ARID1A: variants seen among roughly 807,000 people sequenced by gnomAD.
The protein encoded by ARID1A is AT-rich interactive domain-containing protein 1A.
ARID1A carries 20 observed loss-of-function variants against 212.6 expected under a neutral mutation model. That is an observed-to-expected ratio of 0.09 (90% CI 0.07 to 0.14). ARID1A has a LOEUF of 0.14. Ranked by LOEUF, ARID1A falls within the 10% of genes least tolerant of loss-of-function variation. The probability of loss-of-function intolerance (pLI) is 1.00; values close to 1 mark genes in which losing one functional copy is unlikely to be tolerated. For missense variants in ARID1A, 2,587 were observed against 3,059.0 expected, an observed-to-expected ratio of 0.85 and a Z score of 3.64; for synonymous variants, 1,376 against 1,222.1, an observed-to-expected ratio of 1.13 and a Z score of -2.63.
At position 26,767,825 on chromosome 1, in the gene ARID1A, C is replaced by T. The variant is rs2081052188; in HGVS notation, c.3024C>T (p.Ile1008=). 1 of 1,613,952 alleles carries T rather than the reference C, an allele frequency of 6.2e-7. No individual in the cohort carries two copies. The highest frequency in any genetic ancestry group is 1.3e-5 in the African/African-American group (1 of 74,922). The change falls in exon 11 of 20, where the codon ATC becomes ATT. Residue 1008 remains isoleucine (I), a synonymous_variant. Transcript: ENST00000324856. ...CTTCTACTACAACCAATGAGAAGAT[C>T]ACCAAGTTGTATGAGCTGGGTGGTG... The part of the protein sequence containing the change: ...SSSSTTTNEK[I]TKLYELGGEP...
chr1:26,730,382 C>G (rs1045472485), intron 2 of ARID1A, among the ~76,000 whole-genome samples: 1 of 152,108 alleles, frequency 6.6e-6, no homozygotes, highest in South Asian at 2.1e-4. Context: ...CTCTTTTTGT[C>G]GAACCATTCA....
At chr1:26,757,206 C>T (rs773033966) in intron 4 of ARID1A, among the ~76,000 whole-genome samples, 26 of 149,140 alleles carry the variant, frequency 1.7e-4, no homozygotes, top group Non-Finnish European at 2.8e-4. Flanking sequence ...CAGACGGAGA[C>T]CCTGTCTCTT....
chr1:26,743,105 G>A (rs1441544332), intron 4 of ARID1A, among the ~76,000 whole-genome samples: 1 of 152,186 alleles, frequency 6.6e-6, no homozygotes, highest in Non-Finnish European at 1.5e-5. Context: ...TGGGGACCCT[G>A]GCTCCCAGTG....
chr1:26,759,633 TG>T (rs1366170037), intron 4 of ARID1A, among the ~76,000 whole-genome samples: 1 of 152,134 alleles, frequency 6.6e-6, no homozygotes, highest in East Asian at 1.9e-4. Context: ...GGGCAGGGGA[TG>T]GAGTTAGGGT....
In ARID1A at chr1:26,761,055, C is replaced by T. The variant is rs2124056570; in HGVS notation, c.2120C>T (p.Ala707Val). 2 of 1,614,142 alleles carry T rather than the reference C, an allele frequency of 1.2e-6. No homozygotes were observed. The highest frequency in any genetic ancestry group is 1.7e-6 in the Non-Finnish European group (2 of 1,180,028). ...CCTGTTGGCTCTCCCGCCAGTGTTG[C>T]TCAGTCTCGCTCAGGACCACTCTCG... ...PSPVGSPASV[A>V]QSRSGPLSPA... is the part of the protein sequence containing the mutation. The change falls in exon 5 of 20, where the codon GCT (alanine) becomes GTT (valine). Residue 707 changes from alanine to valine, a missense_variant. Ala to Val is a moderately conservative substitution (Grantham distance 64). Coordinates refer to ENST00000324856, the MANE Select transcript of ARID1A (RefSeq NM_006015.6).
At position 26,779,859 on chromosome 1, in the gene ARID1A, C is replaced by T. The variant is rs2124144501; in HGVS notation, c.5961C>T (p.Thr1987=). 6.2e-7 allele frequency: 1 copy of T among 1,614,136 alleles called. No individual in the cohort carries two copies. The highest frequency in any genetic ancestry group is 1.1e-5 in the South Asian group (1 of 91,080). Residue 1987 remains threonine, a synonymous_variant, in exon 20 of 20, where the codon ACC becomes ACT. Transcript: ENST00000324856. ...AGCGCTGCGTCTGTGTGTCCAATAC[C>T]ATTCGAAGCCTGTCATTTGTGCCAG... The part of the protein sequence containing the change: ...LAKRCVCVSN[T]IRSLSFVPGN...
chr1:26,754,098 C>T (rs2124028728), intron 4 of ARID1A, among the ~76,000 whole-genome samples: 1 of 152,312 alleles, frequency 6.6e-6, no homozygotes, highest in East Asian at 1.9e-4. Flanking sequence ...TGAGCCACCA[C>T]ACCTGGCCCG....
chr1:26,716,351 G>T (rs1205391040), intron 1 of ARID1A, among the ~76,000 whole-genome samples: 1 of 152,174 alleles, frequency 6.6e-6, no homozygotes, highest in Non-Finnish European at 1.5e-5. Context: ...CTGCCTCCAT[G>T]GAGTACTTTC....
At chr1:26,707,956 A>G (rs1286802015) in intron 1 of ARID1A, among the ~76,000 whole-genome samples, 1 of 152,204 alleles carries the variant, frequency 6.6e-6, no homozygotes, top group Non-Finnish European at 1.5e-5. Flanking sequence ...TCAGGCACCA[A>G]GATTGTTTAG....
chr1:26,699,209 C>A (rs982918976), intron 1 of ARID1A, among the ~76,000 whole-genome samples: 1 of 152,120 alleles, frequency 6.6e-6, no homozygotes, highest in African/African-American at 2.4e-5. Flanking sequence ...AAGATACGAC[C>A]TAGAATGACA....
rs1295719961 is a variant in ARID1A at position 26,779,521 on chromosome 1, C to T, written c.5623C>T (p.Pro1875Ser). 3 of 1,613,978 alleles carry T rather than the reference C, an allele frequency of 1.9e-6. No homozygotes were observed. The highest frequency in any genetic ancestry group is 1.7e-5 in the Admixed American group (1 of 59,998). ...LLPSRPHAPC[P>S]PAPRKHVTTA... ...GCCTTCCCGGCCTCACGCACCCTGC[C>T]CACCAGCCCCTCGGAAGCATGTGAC... Residue 1875 changes from proline (P) to serine (S), a missense_variant, in exon 20 of 20, where the codon CCA becomes TCA. Physicochemically the swap from Pro to Ser is moderately conservative, Grantham distance 74. This residue lies in a region of ARID1A where 890 missense variants were observed against 1,098.2 expected (regional missense o/e 0.81). Coordinates refer to ENST00000324856, the MANE Select transcript of ARID1A (RefSeq NM_006015.6).
chr1:26,696,255 A>C lies in ARID1A; in HGVS notation c.-149A>C. 3 of 895,670 alleles carry C rather than the reference A, an allele frequency of 3.3e-6. No individual in the cohort carries two copies. The highest frequency in any genetic ancestry group is 4.2e-6 in the Non-Finnish European group (3 of 718,160). 55.5% of individuals were successfully genotyped at this position (895,670 alleles called of 1,614,324 possible). A position where few individuals can be genotyped will look rare whatever the true frequency, so the allele number is the denominator to read the frequency against. On this transcript the variant is annotated 5_prime_UTR_variant, in exon 1 of 20. Coordinates refer to ENST00000324856, the MANE Select transcript of ARID1A (RefSeq NM_006015.6). ...GAGCCGGCGGGGCGGGGGGGAGAGG[A>C]GCGAGCGCAGCGCAGCAGCGGAGCC...
At chr1:26,745,398 T>C (rs2080826913) in intron 4 of ARID1A, among the ~76,000 whole-genome samples, 1 of 152,212 alleles carries the variant, frequency 6.6e-6, no homozygotes, top group African/African-American at 2.4e-5. Flanking sequence ...TGGTCTCTGC[T>C]TACTTTGATC....
chr1:26,704,420 G>C (rs2080367935), intron 1 of ARID1A, among the ~76,000 whole-genome samples: 1 of 152,176 alleles, frequency 6.6e-6, no homozygotes, highest in Admixed American at 6.5e-5. Flanking sequence ...GTAAGTATCT[G>C]TTGGGACTCT....
rs760075640 is a variant in ARID1A, at chr1:26,774,591, T to G, written c.4364T>G (p.Phe1455Cys). 6.2e-7 allele frequency: 1 copy of G among 1,614,108 alleles called. No individual in the cohort carries two copies. Among genetic ancestry groups the G allele is most frequent in the East Asian group, 2.2e-5 (1 of 44,882 alleles). Residue 1455 changes from phenylalanine (F) to cysteine (C), a missense_variant, in exon 18 of 20, where the codon TTT (phenylalanine) becomes TGT (cysteine). By Grantham distance (205) the Phe-to-Cys change is radical. Transcript: ENST00000324856. The surrounding 1 kb of genome is among the most constrained non-coding windows in gnomAD (Gnocchi z 5.6). Reference sequence around the variant, plus strand: ...CCAGCAGGCGGCCCCCAGAACCAATTTCCATTCCAGTTTGGCCGAGACCGT... The same window carrying G: ...CCAGCAGGCGGCCCCCAGAACCAATGTCCATTCCAGTTTGGCCGAGACCGT... ...RRPAGGPQNQ[F>C]PFQFGRDRVS...
At chr1:26,766,652 T>A in intron 10 of ARID1A, 86 bp downstream of exon 10, 1 of 1,351,722 alleles carries the variant, frequency 7.4e-7, no homozygotes. Flanking sequence ...AGTGACAAGA[T>A]CCCAGCCTTT....
intron 4 of ARID1A, among the ~76,000 whole-genome samples, chr1:26,754,931 C>A (rs1055554347): frequency 6.6e-6 from 1 of 152,090 alleles, no homozygotes; most frequent in Non-Finnish European, 1.5e-5. Flanking sequence ...CCAGCCTGGG[C>A]AACATGGTGA....
intron 1 of ARID1A, among the ~76,000 whole-genome samples, chr1:26,724,713 G>A (rs1377403051): frequency 6.6e-6 from 1 of 152,160 alleles, no homozygotes; most frequent in African/African-American, 2.4e-5. Context: ...ATAAGAAGTT[G>A]TAAGAGGTTC....
At chr1:26,725,701 C>T (rs1458050252) in intron 1 of ARID1A, among the ~76,000 whole-genome samples, 1 of 152,142 alleles carries the variant, frequency 6.6e-6, no homozygotes, top group Non-Finnish European at 1.5e-5. Context: ...ATTCCTTGAA[C>T]CCTTTATAGC....
Sources: gnomAD v4.1 joint callset for allele counts (sites outside exome capture counted in the v4.1 genomes callset) on GRCh38, gnomAD v4.1.1 for gene constraint, gnomAD v4.1.1 regional missense constraint, Gnocchi (gnomAD v3.1) non-coding constraint, MANE v1.5 for transcripts, NCBI Gene and HGNC (gene_info 2026-07-23, HGNC 2026-07-21) for gene names.